MYO9A: variants seen among roughly 807,000 people sequenced by gnomAD.
MYO9A encodes the protein unconventional myosin-IXa.
A neutral mutation model predicts 293.3 loss-of-function variants in MYO9A; 103 were observed. The ratio of observed to expected loss-of-function variants is 0.35; its 90% CI spans 0.30 to 0.41. The LOEUF is 0.41. Ranked by LOEUF, MYO9A falls within the 10% of genes least tolerant of loss-of-function variation. MYO9A has a pLI of 1.00. For synonymous variants in MYO9A, 1,001 were observed against 1,035.7 expected (o/e 0.97, Z 0.64); for missense variants, 2,685 against 3,033.0 (o/e 0.89, Z 2.69).
At position 72,094,571 on chromosome 15, in the gene MYO9A, C is replaced by T. The variant is rs969652107; in HGVS notation, c.-72+23109G>A. 4.4e-5 allele frequency among the ~76,000 whole-genome samples: 4 copies of T among 91,782 alleles called. 1 individual carries two copies. Among genetic ancestry groups the T allele is most frequent in the African/African-American group, 1.0e-4 (4 of 38,762 alleles). The allele number at this position is 91,782 out of a possible 152,430, so 60.2% of individuals were successfully genotyped here. A position where few individuals can be genotyped will look rare whatever the true frequency, so the allele number is the denominator to read the frequency against. ...TGTCACCCAGGTTGCAGTGCAGCAG[C>T]ATGACCATCATAGCTCACTGCAGCC... On this transcript the variant is annotated intron_variant, in intron 1 of 41. Coordinates refer to ENST00000356056, the MANE Select transcript of MYO9A (RefSeq NM_006901.4).
intron 2 of MYO9A, among the ~76,000 whole-genome samples, chr15:72,034,211 A>T (rs1416316123): frequency 6.6e-6 from 1 of 152,248 alleles, no homozygotes; most frequent in Non-Finnish European, 1.5e-5. Flanking sequence ...TTAGAAATTC[A>T]AATTCTTGGG....
Position 71,826,867 on chromosome 15 carries a change from A to T in MYO9A, c.7360T>A (p.Tyr2454Asn). Reference sequence around the variant, plus strand: ...GCTCGGTAGAATGGAGATTTGGAATAAATCTGAAATAGTTTTCTGGTCCCA... The same window carrying T: ...GCTCGGTAGAATGGAGATTTGGAATTAATCTGAAATAGTTTTCTGGTCCCA... ...SHGTRKLFQIYSKSPFYRAAS... is the reference protein window; with the variant it reads ...SHGTRKLFQINSKSPFYRAAS... Residue 2454 changes from tyrosine (Y) to asparagine (N), a missense_variant, in exon 42 of 42, where the codon TAT becomes AAT. Tyr to Asn is a moderately radical substitution (Grantham distance 143, BLOSUM62 -2). This residue lies in a region of MYO9A where 350 missense variants were observed against 328.9 expected (regional missense o/e 1.06). Coordinates refer to ENST00000356056, the MANE Select transcript of MYO9A (RefSeq NM_006901.4). The T allele has an allele frequency of 6.2e-7, 1 of 1,614,160 alleles. No homozygotes were observed. The highest frequency in any genetic ancestry group is 8.5e-7 in the Non-Finnish European group (1 of 1,180,012).
chr15:71,858,956 T>G (rs1462327777), intron 34 of MYO9A, among the ~76,000 whole-genome samples: 1 of 152,212 alleles, frequency 6.6e-6, no homozygotes, highest in East Asian at 1.9e-4. Context: ...TCTCCTAAAG[T>G]ACAATTTGCC....
chr15:72,118,260 T>C (rs577545660), upstream of MYO9A: 62 of 306,360 alleles, frequency 2.0e-4, no homozygotes, highest in African/African-American at 1.4e-3. Context: ...ACACGCCCCC[T>C]TTCCTACGCC....
rs369900665 is a variant in MYO9A at position 71,916,528 on chromosome 15, T to G, written c.2563-36A>C. 13 of 1,582,244 alleles carry G rather than the reference T, an allele frequency of 8.2e-6. No individual in the cohort carries two copies. In the African/African-American group the frequency reaches 1.6e-4, roughly 20 times the overall value. ...AGAAAAAATAAATTGCTCACATAAA[T>G]TAATCTAACAATAAGCCAAAATTCT... is the stretch of plus-strand genomic sequence containing the variant. On this transcript the variant is annotated intron_variant, in intron 18 of 41. Transcript: ENST00000356056.
intron 32 of MYO9A, 34 bp downstream of exon 32, chr15:71,875,757 A>AC: frequency 8.6e-7 from 1 of 1,169,168 alleles, no homozygotes; most frequent in Non-Finnish European, 1.1e-6. Flanking sequence ...TCTGAAAATT[A>AC]CTTTTTTAAT....
chr15:71,919,373 G>T (rs775611839), intron 18 of MYO9A, among the ~76,000 whole-genome samples: 1 of 152,028 alleles, frequency 6.6e-6, no homozygotes, highest in Non-Finnish European at 1.5e-5. Context: ...AGCTCAGGGG[G>T]CAGAGGCTGC....
At chr15:72,020,884 C>A in intron 5 of MYO9A, 34 bp downstream of exon 5, 1 of 1,303,862 alleles carries the variant, frequency 7.7e-7, no homozygotes, top group Non-Finnish European at 1.0e-6. Context: ...TTAATACTGC[C>A]CTATACTTCA....
chr15:71,827,132 G>T, intron 41 of MYO9A, 89 bp from the exon 42 acceptor site: 1 of 1,017,230 alleles, frequency 9.8e-7, no homozygotes, highest in Non-Finnish European at 1.4e-6. Context: ...GTTCACACAT[G>T]AAATTGGGTG....
intron 19 of MYO9A, 29 bp downstream of exon 19, chr15:71,916,341 T>G (rs1265734874): frequency 1.2e-6 from 2 of 1,600,262 alleles, no homozygotes; most frequent in African/African-American, 2.7e-5. Flanking sequence ...TACAGATTCT[T>G]ATTTGTTTTA....
At chr15:71,946,418 G>A (rs927916001) in intron 15 of MYO9A, among the ~76,000 whole-genome samples, 16 of 152,278 alleles carry the variant, frequency 1.1e-4, no homozygotes, top group African/African-American at 2.4e-4. Context: ...TTTAATAACC[G>A]TTGACGTTCA....
At chr15:71,940,709 A>G (rs1240880275) in intron 15 of MYO9A, among the ~76,000 whole-genome samples, 3 of 152,180 alleles carry the variant, frequency 2.0e-5, no homozygotes, top group Non-Finnish European at 4.4e-5. Context: ...AGATCAATGC[A>G]TTTTCTATTA....
intron 1 of MYO9A, among the ~76,000 whole-genome samples, chr15:72,063,531 G>A (rs1404002372): frequency 6.6e-6 from 1 of 152,014 alleles, no homozygotes; most frequent in Non-Finnish European, 1.5e-5. Flanking sequence ...TATATAAGGA[G>A]TTCAAACAAC....
intron 4 of MYO9A, among the ~76,000 whole-genome samples, chr15:72,024,476 T>C (rs2077603033): frequency 6.6e-6 from 1 of 152,192 alleles, no homozygotes; most frequent in Non-Finnish European, 1.5e-5. Context: ...TTTGCCATGT[T>C]GTCTAGGCTG....
intron 13 of MYO9A, among the ~76,000 whole-genome samples, chr15:71,961,441 G>C (rs375377528): frequency 6.6e-6 from 1 of 152,122 alleles, no homozygotes. Context: ...GATAATAATA[G>C]TAGGTAACAC....
chr15:71,920,125 T>C (rs145797398), intron 18 of MYO9A, among the ~76,000 whole-genome samples: 1 of 152,320 alleles, frequency 6.6e-6, no homozygotes, highest in African/African-American at 2.4e-5. Context: ...ACAGAATTAT[T>C]TCCTTTCTTA....
chr15:71,973,985 C>T (rs901432000), intron 12 of MYO9A, among the ~76,000 whole-genome samples: 1 of 152,162 alleles, frequency 6.6e-6, no homozygotes, highest in East Asian at 1.9e-4. Flanking sequence ...GTAAGTGAGA[C>T]TGATGCTGGT....
In MYO9A at chr15:71,827,959, C is replaced by G; in HGVS notation, c.7108G>C (p.Glu2370Gln). Residue 2370 changes from glutamate to glutamine, a missense_variant, in exon 41 of 42, where the codon GAG (glutamate) becomes CAG (glutamine). Coordinates refer to ENST00000356056, the MANE Select transcript of MYO9A (RefSeq NM_006901.4). ...CTATCAGCAGTCCCAATGGAGGCCT[C>G]AGACTCAAGGGTTTCATCATCAGAG... ...RASDDETLES[E>Q]ASIGTADSSE... is the part of the protein sequence containing the mutation. 6.2e-7 allele frequency: 1 copy of G among 1,613,886 alleles called. No homozygotes were observed. Among genetic ancestry groups the G allele is most frequent in the Non-Finnish European group, 8.5e-7 (1 of 1,179,840 alleles).
intron 6 of MYO9A, among the ~76,000 whole-genome samples, chr15:72,017,131 C>G (rs2077367576): frequency 6.7e-6 from 1 of 148,298 alleles, no homozygotes; most frequent in African/African-American, 2.5e-5. Flanking sequence ...AGCAATCTGC[C>G]TGCCTCAGCC....
Sources: gnomAD v4.1 joint callset for allele counts (sites outside exome capture counted in the v4.1 genomes callset) on GRCh38, gnomAD v4.1.1 for gene constraint, gnomAD v4.1.1 regional missense constraint, MANE v1.5 for transcripts, NCBI Gene and HGNC (gene_info 2026-07-23, HGNC 2026-07-21) for gene names.